Variants in MYO9A observed in about 807,000 individuals in gnomAD.
MYO9A encodes the protein unconventional myosin-IXa.
Under a neutral mutation model 293.3 loss-of-function variants are expected in MYO9A, and 103 were observed. The ratio of observed to expected loss-of-function variants is 0.35; its 90% confidence interval spans 0.30 to 0.41. The LOEUF (loss-of-function observed/expected upper bound fraction) is 0.41, where lower values mean the gene tolerates loss of function less well. Among genes scored for constraint, MYO9A ranks in the 10% least tolerant of loss-of-function variants. The pLI is 1.00. For missense variants in MYO9A, 2,685 were observed against 3,033.0 expected (o/e 0.89, Z 2.69); for synonymous variants, 1,001 against 1,035.7 (o/e 0.97, Z 0.64).
intron 1 of MYO9A, among the ~76,000 whole-genome samples, chr15:72,085,930 C>T (rs1295240715): frequency 3.3e-5 from 5 of 152,166 alleles, no homozygotes; most frequent in Non-Finnish European, 7.4e-5. Context: ...TCCCAGATTA[C>T]ATGCTCTAAA....
rs376626944 is a variant in MYO9A at position 71,874,633 on chromosome 15, G to T, written c.5979+1158C>A. 6.6e-5 allele frequency among the ~76,000 whole-genome samples: 10 copies of T among 152,210 alleles called. No individual in the cohort carries two copies. The East Asian group carries it at 1.2e-3, about 18-fold the overall frequency. On this transcript the variant is annotated intron_variant, in intron 32 of 41. Transcript: ENST00000356056. ...TACATAGAGAACTATAACGGGAGAA[G>T]AGTATAAGAAGGTAGACCAGTATGA...
intron 1 of MYO9A, among the ~76,000 whole-genome samples, chr15:72,104,454 G>A (rs140024520): frequency 1.5e-3 from 222 of 152,118 alleles, no homozygotes; most frequent in African/African-American, 4.5e-3. Context: ...TTTAATATAC[G>A]GTAATATAAG....
At chr15:72,031,351 T>C (rs2077862952) in intron 3 of MYO9A, among the ~76,000 whole-genome samples, 1 of 152,028 alleles carries the variant, frequency 6.6e-6, no homozygotes, top group Admixed American at 6.6e-5. Context: ...CCAGGTATGG[T>C]GGTACACGCC....
chr15:72,025,369 CT>C (rs775882400), intron 4 of MYO9A, among the ~76,000 whole-genome samples: 1 of 151,310 alleles, frequency 6.6e-6, no homozygotes, highest in African/African-American at 2.4e-5. Flanking sequence ...AGCAAAAAAA[CT>C]TTTTTTTTGA....
intron 1 of MYO9A, among the ~76,000 whole-genome samples, chr15:72,068,276 ATATT>A (rs1455259577): frequency 5.3e-5 from 8 of 152,090 alleles, no homozygotes; most frequent in Admixed American, 2.6e-4. Context: ...AAATTCTGTA[ATATT>A]TATTTTACTA....
chr15:71,904,181 G>A (rs2143798746), intron 20 of MYO9A, 142 bp from the exon 21 acceptor site: 2 of 661,828 alleles, frequency 3.0e-6, no homozygotes, highest in East Asian at 2.8e-5. Flanking sequence ...AGTATATTAA[G>A]GCAAGCTCAC....
At chr15:71,856,602 T>C (rs906548670) in intron 34 of MYO9A, among the ~76,000 whole-genome samples, 1 of 152,154 alleles carries the variant, frequency 6.6e-6, no homozygotes, top group South Asian at 2.1e-4. Context: ...TAATTTTAAA[T>C]AAAGGAATAA....
chr15:71,859,402 G>A (rs2056018042), intron 34 of MYO9A, among the ~76,000 whole-genome samples: 1 of 152,126 alleles, frequency 6.6e-6, no homozygotes. Flanking sequence ...GTAGCTTACT[G>A]CATTAAGGAT....
At chr15:71,961,352 C>A (rs1326272235) in intron 13 of MYO9A, among the ~76,000 whole-genome samples, 1 of 151,992 alleles carries the variant, frequency 6.6e-6, no homozygotes, top group Non-Finnish European at 1.5e-5. Flanking sequence ...AAGGAGAAGA[C>A]TAGAGAAAGG....
rs1298921664 is a variant in MYO9A at position 71,888,089 on chromosome 15, C to T, written c.5170G>A (p.Glu1724Lys). The T allele has an allele frequency of 6.2e-7, 1 of 1,607,242 alleles. No individual in the cohort carries two copies. Among genetic ancestry groups the T allele is most frequent in the Non-Finnish European group, 8.5e-7 (1 of 1,176,642 alleles). ...ATAGTCTTATGAAGTTTTGCTTGTT[C>T]ATCAACTGACGAAAATCGCTGTGAT... is the stretch of plus-strand genomic sequence containing the variant. ...ETSQRFSSVD[E>K]QAKLHKTMSQ... Residue 1724 changes from glutamate to lysine, a missense_variant, in exon 27 of 42, where the codon GAA (glutamate) becomes AAA (lysine). Physicochemically the swap from Glu to Lys is moderately conservative, Grantham distance 56. This residue lies in a region of MYO9A where 1,434 missense variants were observed against 1,497.7 expected (regional missense o/e 0.96). Transcript: ENST00000356056.
chr15:71,844,318 T>C (rs764982631), intron 39 of MYO9A, among the ~76,000 whole-genome samples: 20 of 152,334 alleles, frequency 1.3e-4, no homozygotes, highest in Non-Finnish European at 2.4e-4. Flanking sequence ...CCTAATCATA[T>C]AGATTTGCCA....
At chr15:71,952,060 G>A (rs1446967540) in intron 14 of MYO9A, among the ~76,000 whole-genome samples, 164 bp from the exon 15 acceptor site, 1 of 152,058 alleles carries the variant, frequency 6.6e-6, no homozygotes, top group Non-Finnish European at 1.5e-5. Context: ...ATTATTTTGA[G>A]GAAAATGCTT....
intron 22 of MYO9A, among the ~76,000 whole-genome samples, chr15:71,901,852 T>C (rs2057495339): frequency 6.6e-6 from 1 of 152,108 alleles, no homozygotes; most frequent in African/African-American, 2.4e-5. Flanking sequence ...GGGAAAAAAG[T>C]TGAAAACCAT....
At chr15:71,955,463 G>C (rs2059155710) in intron 14 of MYO9A, among the ~76,000 whole-genome samples, 1 of 152,174 alleles carries the variant, frequency 6.6e-6, no homozygotes, top group Non-Finnish European at 1.5e-5. Flanking sequence ...AAATAACACA[G>C]CATATATTCT....
intron 39 of MYO9A, 24 bp from the exon 40 acceptor site, chr15:71,830,335 A>C: frequency 6.2e-7 from 1 of 1,608,248 alleles, no homozygotes; most frequent in Non-Finnish European, 8.5e-7. Context: ...TTCATGTTAG[A>C]AAGTAAATTG....
Position 71,826,801 on chromosome 15 carries a change from C to G in MYO9A, c.7426G>C (p.Gly2476Arg), listed in dbSNP as rs2054522606. 6.2e-7 allele frequency: 1 copy of G among 1,614,092 alleles called. No individual in the cohort carries two copies. The highest frequency in any genetic ancestry group is 8.5e-7 in the Non-Finnish European group (1 of 1,179,990). The change falls in exon 42 of 42, where the codon GGC becomes CGC. Residue 2476 changes from glycine to arginine, a missense_variant. Coordinates refer to ENST00000356056, the MANE Select transcript of MYO9A (RefSeq NM_006901.4). ...TTGTCTTCCAGGAATTTGGTCTGGC[C>G]CAATGGTCCTTCCATTCCCAGGGCC... ...NEALGMEGPL[G>R]QTKFLEDKPQ...
intron 1 of MYO9A, among the ~76,000 whole-genome samples, chr15:72,101,280 A>C (rs1469582481): frequency 1.0e-3 from 92 of 91,996 alleles, no homozygotes; most frequent in African/African-American, 2.5e-3. Context: ...CCGCCCCGTC[A>C]GGGAGGGAGG....
At chr15:72,038,441 AAC>A (rs1428660226) in intron 2 of MYO9A, among the ~76,000 whole-genome samples, 3 of 152,234 alleles carry the variant, frequency 2.0e-5, no homozygotes, top group African/African-American at 4.8e-5. Flanking sequence ...CAAGTTATAC[AAC>A]ACAGTGTTAT....
chr15:71,868,841 T>C (rs2056419245), intron 32 of MYO9A, among the ~76,000 whole-genome samples: 1 of 152,084 alleles, frequency 6.6e-6, no homozygotes, highest in Non-Finnish European at 1.5e-5. Context: ...AAAAAAAAGT[T>C]TGAATGGTAA....
Sources: allele counts gnomAD v4.1 joint callset (sites outside exome capture counted in the v4.1 genomes callset), GRCh38; gene constraint gnomAD v4.1.1; regional missense constraint gnomAD v4.1.1; transcripts MANE v1.5; gene names NCBI Gene and HGNC (gene_info 2026-07-23, HGNC 2026-07-21).